The following KCNIP4 variants were observed in gnomAD, a reference collection of about 807,000 sequenced individuals.
KCNIP4 encodes the protein potassium voltage-gated channel interacting protein 4.
In KCNIP4, 12 loss-of-function variants were observed where a neutral mutation model predicts 34.0. That is an observed-to-expected ratio of 0.35 (90% CI 0.23 to 0.57). The LOEUF (loss-of-function observed/expected upper bound fraction) is 0.57, where lower values mean the gene tolerates loss of function less well. Ranked by LOEUF, KCNIP4 falls within the 20% of genes least tolerant of loss-of-function variation. KCNIP4 has a pLI of 0.83. For missense variants in KCNIP4, 238 were observed against 311.7 expected, an observed-to-expected ratio of 0.76 and a Z score of 1.78; for synonymous variants, 124 against 102.2, an observed-to-expected ratio of 1.21 and a Z score of -1.29.
At chr4:21,585,990 T>C (rs1455086130) in intron 1 of KCNIP4, among the ~76,000 whole-genome samples, 2 of 152,040 alleles carry the variant, frequency 1.3e-5, no homozygotes, top group African/African-American at 2.4e-5. Flanking sequence ...AGAAACTGAT[T>C]TTTATGAACA....
At chr4:20,890,007 A>G (rs1356247837) in intron 1 of KCNIP4, among the ~76,000 whole-genome samples, 1 of 152,194 alleles carries the variant, frequency 6.6e-6, no homozygotes, top group Non-Finnish European at 1.5e-5. Context: ...GTGGCTACAT[A>G]GAAAAAAAAT....
chr4:21,044,355 A>G (rs1490618825), intron 1 of KCNIP4, among the ~76,000 whole-genome samples: 1 of 151,930 alleles, frequency 6.6e-6, no homozygotes, highest in Non-Finnish European at 1.5e-5. Context: ...TCTGTCACCC[A>G]GACTGGAGTG....
intron 1 of KCNIP4, among the ~76,000 whole-genome samples, chr4:21,174,823 T>C (rs1754282444): frequency 6.6e-6 from 1 of 151,338 alleles, no homozygotes; most frequent in Non-Finnish European, 1.5e-5. Flanking sequence ...AAGAATCACT[T>C]GAACCCGTGG....
chr4:21,155,454 G>A (rs1360737220), intron 1 of KCNIP4, among the ~76,000 whole-genome samples: 1 of 152,136 alleles, frequency 6.6e-6, no homozygotes, highest in Non-Finnish European at 1.5e-5. Flanking sequence ...TTCTCTGGAG[G>A]GTATGGAAAG....
chr4:21,097,217 G>A (rs897493761), intron 1 of KCNIP4, among the ~76,000 whole-genome samples: 5 of 151,918 alleles, frequency 3.3e-5, no homozygotes, highest in African/African-American at 1.2e-4. Context: ...TGAGTGAATG[G>A]ATAAACAAAA....
At chr4:21,042,083 T>C (rs1742011541) in intron 1 of KCNIP4, among the ~76,000 whole-genome samples, 1 of 152,214 alleles carries the variant, frequency 6.6e-6, no homozygotes, top group African/African-American at 2.4e-5. Context: ...CATCTCTGGA[T>C]TGATCTAGGT....
In KCNIP4 at chr4:21,400,488, C is replaced by CTCTCCTCTCCTCTCT. The variant is rs945392438; in HGVS notation, c.62-517780_62-517779insAGAGAGGAGAGGAGA. Among the ~76,000 whole-genome samples, 205 of 120,070 alleles carry CTCTCCTCTCCTCTCT rather than the reference C, an allele frequency of 1.7e-3. 28 individuals carry two copies. The highest frequency in any genetic ancestry group is 8.8e-3 in the African/African-American group (196 of 22,242). 78.8% of individuals were successfully genotyped at this position (120,070 alleles called of 152,430 possible). A position where few individuals can be genotyped will look rare whatever the true frequency, so the allele number is the denominator to read the frequency against. On this transcript the variant is annotated intron_variant, in intron 1 of 8. Coordinates refer to ENST00000382152, the MANE Select transcript of KCNIP4 (RefSeq NM_025221.6). ...TGTTCCTCTCCTCTCCTCTCCTCTC[C>CTCTCCTCTCCTCTCT]TCTCCCCTCCCTTCCCCTCCCTTCC...
chr4:21,831,891 T>C (rs1005649213), intron 1 of KCNIP4, among the ~76,000 whole-genome samples: 1 of 152,040 alleles, frequency 6.6e-6, no homozygotes. Context: ...GGAACATAGA[T>C]GCAAAAATCC....
chr4:21,567,729 C>T (rs949881250), intron 1 of KCNIP4, among the ~76,000 whole-genome samples: 21 of 152,050 alleles, frequency 1.4e-4, no homozygotes, highest in African/African-American at 5.1e-4. Context: ...CCATTCCCCA[C>T]CCAAATAGTC....
chr4:21,404,299 T>G (rs548650997), intron 1 of KCNIP4, among the ~76,000 whole-genome samples: 1 of 152,348 alleles, frequency 6.6e-6, no homozygotes, highest in African/African-American at 2.4e-5. Flanking sequence ...TTTTCCTGCT[T>G]CTTTTAGAAT....
intron 1 of KCNIP4, among the ~76,000 whole-genome samples, chr4:20,883,160 A>T (rs1458128003): frequency 6.6e-6 from 1 of 152,160 alleles, no homozygotes; most frequent in Non-Finnish European, 1.5e-5. Context: ...TATAGCAGAG[A>T]TAGATGCTTC....
intron 1 of KCNIP4, among the ~76,000 whole-genome samples, chr4:21,023,049 T>C (rs1420904634): frequency 2.0e-5 from 3 of 152,044 alleles, no homozygotes; most frequent in Non-Finnish European, 2.9e-5. Flanking sequence ...TCTCGAAGTC[T>C]TGACTTTAGG....
chr4:21,253,595 G>A (rs982878640), intron 1 of KCNIP4, among the ~76,000 whole-genome samples: 1 of 152,176 alleles, frequency 6.6e-6, no homozygotes, highest in Non-Finnish European at 1.5e-5. Flanking sequence ...GCTAGATAGT[G>A]TTAAAATTAC....
chr4:21,344,440 G>A (rs954251042), intron 1 of KCNIP4, among the ~76,000 whole-genome samples: 2 of 152,110 alleles, frequency 1.3e-5, no homozygotes, highest in African/African-American at 4.8e-5. Flanking sequence ...AATAGCCAAA[G>A]GTCTTGGAAA....
At chr4:21,382,681 A>G (rs1455045844) in intron 1 of KCNIP4, among the ~76,000 whole-genome samples, 2 of 152,190 alleles carry the variant, frequency 1.3e-5, no homozygotes, top group Non-Finnish European at 1.5e-5. Context: ...AAAGATGCCT[A>G]TTGCCACTTA....
chr4:21,301,717 G>C (rs1711733329), intron 1 of KCNIP4, among the ~76,000 whole-genome samples: 1 of 151,976 alleles, frequency 6.6e-6, no homozygotes, highest in South Asian at 2.1e-4. Flanking sequence ...TTAAAATTAG[G>C]CTGTAACTGT....
At chr4:21,714,328 G>A (rs980761976) in intron 1 of KCNIP4, among the ~76,000 whole-genome samples, 4 of 151,884 alleles carry the variant, frequency 2.6e-5, no homozygotes, top group African/African-American at 7.3e-5. Context: ...GATATTTCTC[G>A]GCTCTCTAGT....
At chr4:20,782,728 G>A (rs1178896732) in intron 3 of KCNIP4, among the ~76,000 whole-genome samples, 1 of 152,090 alleles carries the variant, frequency 6.6e-6, no homozygotes, top group Non-Finnish European at 1.5e-5. Flanking sequence ...AGAGGCTGCT[G>A]CAAAGGTCTC....
At chr4:20,969,126 AT>A (rs1039292104) in intron 1 of KCNIP4, among the ~76,000 whole-genome samples, 1 of 152,066 alleles carries the variant, frequency 6.6e-6, no homozygotes, top group African/African-American at 2.4e-5. Flanking sequence ...AAAGTATGTT[AT>A]TTTTTCTTTC....
Sources: allele counts gnomAD v4.1 joint callset (sites outside exome capture counted in the v4.1 genomes callset), GRCh38; gene constraint gnomAD v4.1.1; transcripts MANE v1.5; gene names NCBI Gene and HGNC (gene_info 2026-07-23, HGNC 2026-07-21).